ZNF574: variants seen among roughly 807,000 people sequenced by gnomAD.
ZNF574 encodes zinc finger protein 574.
ZNF574 carries 25 observed loss-of-function variants against 56.6 expected under a neutral mutation model. That is an observed-to-expected ratio of 0.44 (90% confidence interval 0.32 to 0.62). ZNF574 has a LOEUF of 0.62. Among genes scored for constraint, ZNF574 ranks in the 20% least tolerant of loss-of-function variants. ZNF574 has a pLI of 0.04. For missense variants in ZNF574, 1,065 were observed against 1,218.9 expected (o/e 0.87, Z 1.88); for synonymous variants, 543 against 492.1 (o/e 1.10, Z -1.37).
At chr19:42,078,141 A>G (rs1396368092) in intron 1 of ZNF574, among the ~76,000 whole-genome samples, 1 of 151,918 alleles carries the variant, frequency 6.6e-6, no homozygotes, top group Non-Finnish European at 1.5e-5. Context: ...GGCTGGGAGA[A>G]ACAGGTGGGG....
upstream of ZNF574, among the ~76,000 whole-genome samples, chr19:42,074,456 TAAATAAAATAAAATAAAATAAAATA>T (rs58694360): frequency 2.0e-4 from 29 of 146,050 alleles, no homozygotes; most frequent in Non-Finnish European, 3.7e-4. Flanking sequence ...CTCTGTCTCA[TAAATAAAATAAAATAAAATAAAATA>T]AAATAAAATA....
At chr19:42,077,400 C>T (rs1213946957) in intron 1 of ZNF574, among the ~76,000 whole-genome samples, 3 of 152,000 alleles carry the variant, frequency 2.0e-5, no homozygotes, top group Non-Finnish European at 4.4e-5. Context: ...GTCTGAGCAT[C>T]CCTAGAATGG....
rs1411495681 is a variant in ZNF574, at chr19:42,079,160, A to C, written c.554A>C (p.Lys185Thr). 1 of 1,613,806 alleles carries C rather than the reference A, an allele frequency of 6.2e-7. No individual in the cohort carries two copies. Among genetic ancestry groups the C allele is most frequent in the Non-Finnish European group, 8.5e-7 (1 of 1,179,992 alleles). Residue 185 changes from lysine to threonine, a missense_variant, in exon 2 of 2, where the codon AAG (lysine) becomes ACG (threonine). Lys to Thr is a moderately conservative substitution (Grantham distance 78, BLOSUM62 -1). Transcript: ENST00000359044. This position sits in a 1 kb window ranked among gnomAD's most constrained non-coding sequence, Gnocchi z 4.3. Reference protein sequence around the residue: ...ARVAVEHSYRKAEEGGEGATV... With the variant: ...ARVAVEHSYRTAEEGGEGATV... The stretch of plus-strand genomic sequence containing the variant: ...GTGGCTGTGGAGCACTCATACCGAA[A>C]GGCAGAAGAGGGTGGGGAAGGGGCG...
At chr19:42,074,150 A>T (rs1427164782), upstream of ZNF574, among the ~76,000 whole-genome samples, 8 of 149,360 alleles carry the variant, frequency 5.4e-5, no homozygotes, top group Admixed American at 1.3e-4. Flanking sequence ...AAAAAAAAAA[A>T]AAATTAAATT....
upstream of ZNF574, among the ~76,000 whole-genome samples, chr19:42,075,769 T>C (rs918148998): frequency 6.6e-6 from 1 of 151,956 alleles, no homozygotes; most frequent in Non-Finnish European, 1.5e-5. Context: ...TTTTCCTCCC[T>C]CTCCCTGTCC....
chr19:42,079,545 C>T lies in ZNF574; in HGVS notation c.939C>T (p.Ala313=), dbSNP rs2076481158. Residue 313 remains alanine (A), a synonymous_variant, in exon 2 of 2, where the codon GCC becomes GCT. Coordinates refer to ENST00000359044, the MANE Select transcript of ZNF574 (RefSeq NM_022752.6). This position sits in a 1 kb window ranked among gnomAD's most constrained non-coding sequence, Gnocchi z 4.3. ...GAATQELFCS[A]CDQLFLSPHQ... ...CCACACAGGAGCTCTTCTGCTCAGC[C>T]TGTGACCAGCTCTTTCTCTCACCCC... is the stretch of plus-strand genomic sequence containing the variant. 6.2e-7 allele frequency: 1 copy of T among 1,613,960 alleles called. No homozygotes were observed. Among genetic ancestry groups the T allele is most frequent in the African/African-American group, 1.3e-5 (1 of 74,944 alleles).
rs751117807 is a variant in ZNF574 at position 42,079,011 on chromosome 19, T to G, written c.405T>G (p.Phe135Leu). ...HYECVDCKAL[F>L]ASQELWLNHR... ...AGTGTGTGGATTGCAAGGCTCTCTT[T>G]GCCAGCCAGGAGCTCTGGCTGAACC... Residue 135 changes from phenylalanine to leucine, a missense_variant, in exon 2 of 2, where the codon TTT becomes TTG. Transcript: ENST00000359044. This position sits in a 1 kb window ranked among gnomAD's most constrained non-coding sequence, Gnocchi z 4.3. 10 of 1,613,994 alleles carry G rather than the reference T, an allele frequency of 6.2e-6. No individual in the cohort carries two copies. The highest frequency in any genetic ancestry group is 7.6e-6 in the Non-Finnish European group (9 of 1,180,012).
chr19:42,068,635 G>C, exon 1 of ZNF574: 1 of 427,198 alleles, frequency 2.3e-6, no homozygotes, highest in Admixed American at 4.3e-5. Context: ...AATGGAAAGA[G>C]ACCTGCCGAG....
chr19:42,077,406 A>T (rs1310776582), intron 1 of ZNF574, among the ~76,000 whole-genome samples: 1 of 152,018 alleles, frequency 6.6e-6, no homozygotes, highest in Non-Finnish European at 1.5e-5. Flanking sequence ...GCATCCCTAG[A>T]ATGGGTTAGG....
chr19:42,077,084 C>T (rs1411308305), intron 1 of ZNF574, among the ~76,000 whole-genome samples: 3 of 151,900 alleles, frequency 2.0e-5, no homozygotes, highest in Non-Finnish European at 2.9e-5. Context: ...TGGGAGAGAT[C>T]TGTGTGCTAA....
At chr19:42,078,014 T>C (rs1321982501) in intron 1 of ZNF574, among the ~76,000 whole-genome samples, 1 of 151,388 alleles carries the variant, frequency 6.6e-6, no homozygotes, top group Non-Finnish European at 1.5e-5. Context: ...AGGGGAGGGG[T>C]GGCACCTTGT....
At position 42,079,570 on chromosome 19, in the gene ZNF574, C is replaced by G. The variant is rs745820568; in HGVS notation, c.964C>G (p.His322Asp). Residue 322 changes from histidine (H) to aspartate (D), a missense_variant, in exon 2 of 2, where the codon CAC becomes GAC. Physicochemically the swap from His to Asp is moderately conservative, Grantham distance 81 (BLOSUM62 -1). Coordinates refer to ENST00000359044, the MANE Select transcript of ZNF574 (RefSeq NM_022752.6). This position sits in a 1 kb window ranked among gnomAD's most constrained non-coding sequence, Gnocchi z 4.3. ...CTGTGACCAGCTCTTTCTCTCACCC[C>G]ACCAGCTACAGCAGCACCTGCGGAG... ...SACDQLFLSP[H>D]QLQQHLRSHR... The G allele has an allele frequency of 7.4e-6, 12 of 1,614,166 alleles. No homozygotes were observed. Among genetic ancestry groups the G allele is most frequent in the Non-Finnish European group, 9.3e-6 (11 of 1,180,038 alleles).
In ZNF574 at chr19:42,080,959, C is replaced by T. The variant is rs1380931278; in HGVS notation, c.2353C>T (p.Arg785Trp). The change falls in exon 2 of 2, where the codon CGG (arginine) becomes TGG (tryptophan). Residue 785 changes from arginine (R) to tryptophan (W), a missense_variant. By Grantham distance (101) the Arg-to-Trp change is moderately radical. Coordinates refer to ENST00000359044, the MANE Select transcript of ZNF574 (RefSeq NM_022752.6). The surrounding 1 kb of genome is among the most constrained non-coding windows in gnomAD (Gnocchi z 8.5). ...FRQSTHLKDH[R>W]RLHTGERPFA... ...TCAGAGTACCCACCTGAAAGACCAC[C>T]GGCGCCTGCACACAGGTGAGCGGCC... 5.0e-6 allele frequency: 8 copies of T among 1,614,070 alleles called. No homozygotes were observed. Among genetic ancestry groups the T allele is most frequent in the South Asian group, 1.1e-5 (1 of 91,090 alleles).
At chr19:42,073,275 G>A (rs2076436416), upstream of ZNF574, among the ~76,000 whole-genome samples, 1 of 152,162 alleles carries the variant, frequency 6.6e-6, no homozygotes, top group Non-Finnish European at 1.5e-5. Flanking sequence ...TCTCTCATAG[G>A]GTTGTTGAGA....
Position 42,079,003 on chromosome 19 carries a change from G to T in ZNF574, c.397G>T (p.Ala133Ser), listed in dbSNP as rs200419105. The T allele has an allele frequency of 2.7e-4, 428 of 1,614,108 alleles. 3 individuals are homozygous for T. In the South Asian group the frequency reaches 4.6e-3, roughly 17 times the overall value. Reference sequence around the variant, plus strand: ...CCACTACGAGTGTGTGGATTGCAAGGCTCTCTTTGCCAGCCAGGAGCTCTG... The same window carrying T: ...CCACTACGAGTGTGTGGATTGCAAGTCTCTCTTTGCCAGCCAGGAGCTCTG... ...TIHYECVDCK[A>S]LFASQELWLN... The change falls in exon 2 of 2, where the codon GCT (alanine) becomes TCT (serine). Residue 133 changes from alanine to serine, a missense_variant. Physicochemically the swap from Ala to Ser is moderately conservative, Grantham distance 99. Coordinates refer to ENST00000359044, the MANE Select transcript of ZNF574 (RefSeq NM_022752.6). The surrounding 1 kb of genome is among the most constrained non-coding windows in gnomAD (Gnocchi z 4.3).
chr19:42,080,289 G>C lies in ZNF574; in HGVS notation c.1683G>C (p.Thr561=). 6.2e-7 allele frequency: 1 copy of C among 1,613,920 alleles called. No homozygotes were observed. The highest frequency in any genetic ancestry group is 2.2e-5 in the East Asian group (1 of 44,854). ...YRCGDCGKAF[T]QSSTLRQHRL... ...GTGGGGACTGTGGCAAGGCTTTCAC[G>C]CAAAGCTCCACACTGAGGCAGCACC... The change falls in exon 2 of 2, where the codon ACG becomes ACC. Residue 561 remains threonine, a synonymous_variant. Transcript: ENST00000359044. The surrounding 1 kb of genome is among the most constrained non-coding windows in gnomAD (Gnocchi z 8.5).
chr19:42,071,849 C>T (rs1042869141), upstream of ZNF574, among the ~76,000 whole-genome samples: 3 of 151,986 alleles, frequency 2.0e-5, no homozygotes, highest in African/African-American at 7.2e-5. Context: ...ACTAAAAATA[C>T]AAAAATTAGC....
chr19:42,080,737 A>G lies in ZNF574; in HGVS notation c.2131A>G (p.Thr711Ala). ...CCCTGCCCCTCGAGCCCCACGGGCC[A>G]CTCGTGCACCAGTTGCCTCTCCAGC... is the stretch of plus-strand genomic sequence containing the variant. ...EPPAPRAPRA[T>A]RAPVASPAAL... The change falls in exon 2 of 2, where the codon ACT becomes GCT. Residue 711 changes from threonine (T) to alanine (A), a missense_variant. By Grantham distance (58) the Thr-to-Ala change is moderately conservative. Transcript: ENST00000359044. This position sits in a 1 kb window ranked among gnomAD's most constrained non-coding sequence, Gnocchi z 8.5. 3 of 1,613,662 alleles carry G rather than the reference A, an allele frequency of 1.9e-6. No individual in the cohort carries two copies. Among genetic ancestry groups the G allele is most frequent in the East Asian group, 2.2e-5 (1 of 44,842 alleles).
chr19:42,073,665 C>T (rs2076439339), upstream of ZNF574, among the ~76,000 whole-genome samples: 1 of 150,786 alleles, frequency 6.6e-6, no homozygotes, highest in Non-Finnish European at 1.5e-5. Flanking sequence ...CTACCAAAAA[C>T]TAGGAAAAAT....
Sources: allele counts gnomAD v4.1 joint callset (sites outside exome capture counted in the v4.1 genomes callset), GRCh38; gene constraint gnomAD v4.1.1; non-coding constraint Gnocchi (gnomAD v3.1); transcripts MANE v1.5; gene names NCBI Gene and HGNC (gene_info 2026-07-23, HGNC 2026-07-21).